Variants in PDE3B observed in about 807,000 individuals in gnomAD.
PDE3B encodes the protein cGMP-inhibited 3',5'-cyclic phosphodiesterase 3B.
PDE3B carries 66 observed loss-of-function variants against 116.8 expected under a neutral mutation model. The ratio of observed to expected loss-of-function variants is 0.56; its 90% CI spans 0.46 to 0.69. The LOEUF (loss-of-function observed/expected upper bound fraction) is 0.69, where lower values mean the gene tolerates loss of function less well. Among genes scored for constraint, PDE3B ranks in the 30% least tolerant of loss-of-function variants. The pLI is 0.00. For synonymous variants in PDE3B, 595 were observed against 533.6 expected (o/e 1.12, Z -1.59); for missense variants, 1,384 against 1,368.1 (o/e 1.01, Z -0.18).
At chr11:14,755,065 G>C (rs1857149392) in intron 1 of PDE3B, among the ~76,000 whole-genome samples, 1 of 152,176 alleles carries the variant, frequency 6.6e-6, no homozygotes, top group Non-Finnish European at 1.5e-5. Flanking sequence ...TTTTGCTGCA[G>C]ACTTGATAAA....
At chr11:14,891,781 G>T in the PDE3B span, 1,029 of 1,397,600 alleles carry the variant, frequency 7.4e-4, 8 homozygotes, top group Middle Eastern at 1.1e-3. Flanking sequence ...GCAGGGGCGG[G>T]GCTCCCCCTG....
At chr11:14,861,474 G>A in intron 14 of PDE3B, 108 bp downstream of exon 14, 1 of 980,380 alleles carries the variant, frequency 1.0e-6, no homozygotes, top group Non-Finnish European at 1.6e-6. Flanking sequence ...GAGTTGCTTT[G>A]ACTGGGAAGG....
At chr11:14,690,573 GTATT>G (rs1590064768) in intron 1 of PDE3B, among the ~76,000 whole-genome samples, 1 of 147,808 alleles carries the variant, frequency 6.8e-6, no homozygotes, top group African/African-American at 2.5e-5. Context: ...TTCTCAGTAA[GTATT>G]CACCTTTGTA....
chr11:14,724,921 A>C (rs541006471), intron 1 of PDE3B, among the ~76,000 whole-genome samples: 1 of 152,234 alleles, frequency 6.6e-6, no homozygotes, highest in Non-Finnish European at 1.5e-5. Flanking sequence ...ACAAATATGG[A>C]ATCCAGGGAT....
intron 1 of PDE3B, among the ~76,000 whole-genome samples, chr11:14,735,377 A>G (rs1235637566): frequency 2.6e-5 from 4 of 152,244 alleles, no homozygotes; most frequent in Non-Finnish European, 1.5e-5. Context: ...GAGGTTGTGA[A>G]GCAGGACAAT....
Position 14,673,836 on chromosome 11 carries a change from G to T in PDE3B, c.978+28783G>T, listed in dbSNP as rs980899876. Reference sequence around the variant, plus strand: ...ATCTGCAAGAATTTCGGCATACTGTGGTCTCTCAAATTTGTAGAGTAGTTG... The same window carrying T: ...ATCTGCAAGAATTTCGGCATACTGTTGTCTCTCAAATTTGTAGAGTAGTTG... On this transcript the variant is annotated intron_variant, in intron 1 of 15. Coordinates refer to ENST00000282096, the MANE Select transcript of PDE3B (RefSeq NM_000922.4). The T allele has an allele frequency of 1.1e-5, 12 of 1,108,236 alleles. No homozygotes were observed. The Admixed American group carries it at 1.4e-4, about 13-fold the overall frequency. 68.7% of individuals were successfully genotyped at this position (1,108,236 alleles called of 1,614,324 possible). A position where few individuals can be genotyped will look rare whatever the true frequency, so the allele number is the denominator to read the frequency against.
the PDE3B span, chr11:14,879,533 A>G: frequency 1.6e-5 from 16 of 1,028,544 alleles, no homozygotes; most frequent in Non-Finnish European, 2.2e-5. Flanking sequence ...AGGATAACCT[A>G]TAACAAGCCA....
chr11:14,748,595 T>C (rs1284914024), intron 1 of PDE3B, among the ~76,000 whole-genome samples: 1 of 152,202 alleles, frequency 6.6e-6, no homozygotes, highest in African/African-American at 2.4e-5. Context: ...TATACAATTA[T>C]TTAAATTCTG....
At chr11:14,892,186 G>A in the PDE3B span, 13 of 1,610,454 alleles carry the variant, frequency 8.1e-6, no homozygotes, top group South Asian at 5.5e-5. Flanking sequence ...GCCCTCTTCA[G>A]CTCTCCAAAG....
chr11:14,830,552 C>T (rs927383106), intron 7 of PDE3B, 146 bp from the exon 8 acceptor site: 2 of 390,184 alleles, frequency 5.1e-6, no homozygotes, highest in Non-Finnish European at 9.1e-6. Context: ...CAGGAAGATA[C>T]AACTTAATGG....
intron 1 of PDE3B, among the ~76,000 whole-genome samples, chr11:14,723,397 T>G (rs998014980): frequency 1.3e-5 from 2 of 152,120 alleles, no homozygotes; most frequent in African/African-American, 4.8e-5. Flanking sequence ...ATTAATACAA[T>G]AAATACATAT....
chr11:14,887,633 C>G, the PDE3B span: 1 of 985,392 alleles, frequency 1.0e-6, no homozygotes, highest in Non-Finnish European at 1.2e-6. Flanking sequence ...TCCTTGCCTT[C>G]TAGATCACTC....
At chr11:14,665,797 G>T (rs1321913898) in intron 1 of PDE3B, among the ~76,000 whole-genome samples, 1 of 152,122 alleles carries the variant, frequency 6.6e-6, no homozygotes, top group African/African-American at 2.4e-5. Flanking sequence ...ACAAATAAAT[G>T]GAAGAACATT....
chr11:14,669,040 TTTA>T (rs1854281282), intron 1 of PDE3B, among the ~76,000 whole-genome samples: 2 of 152,040 alleles, frequency 1.3e-5, no homozygotes, highest in African/African-American at 4.8e-5. Flanking sequence ...GAAGGAATGA[TTTA>T]TAAAAGAGTG....
downstream of PDE3B, among the ~76,000 whole-genome samples, chr11:14,875,149 G>T (rs1848178354): frequency 6.6e-6 from 1 of 152,082 alleles, no homozygotes; most frequent in Admixed American, 6.6e-5. Context: ...CAGTAAATCT[G>T]CTTGATTTCT....
intron 1 of PDE3B, among the ~76,000 whole-genome samples, chr11:14,724,092 C>T (rs769225614): frequency 1.3e-5 from 2 of 151,824 alleles, no homozygotes; most frequent in Non-Finnish European, 2.9e-5. Flanking sequence ...TTGAAATAAC[C>T]AAACAAAAAA....
intron 1 of PDE3B, among the ~76,000 whole-genome samples, chr11:14,679,738 A>G (rs1854641880): frequency 6.6e-6 from 1 of 151,688 alleles, no homozygotes; most frequent in Non-Finnish European, 1.5e-5. Context: ...GGCAACTTAA[A>G]TCTTCTTTTC....
At position 14,859,222 on chromosome 11, in the gene PDE3B, T is replaced by C. The variant is rs1555006676; in HGVS notation, c.2700T>C (p.Asp900=). The change falls in exon 13 of 16, where the codon GAT becomes GAC. Residue 900 remains aspartate, a synonymous_variant. Transcript: ENST00000282096. ...CTACGGATCTTAAAAAGCATTTTGA[T>C]TTTCTCGCAGAATTCAATGCCAAGG... is the stretch of plus-strand genomic sequence containing the variant. The part of the protein sequence containing the change: ...ILATDLKKHF[D]FLAEFNAKAN... The C allele has an allele frequency of 6.2e-7, 1 of 1,611,408 alleles. No homozygotes were observed. Among genetic ancestry groups the C allele is most frequent in the East Asian group, 2.2e-5 (1 of 44,802 alleles).
chr11:14,789,370 T>C (rs1858315879), intron 4 of PDE3B, 128 bp downstream of exon 4: 6 of 643,468 alleles, frequency 9.3e-6, no homozygotes, highest in Non-Finnish European at 1.6e-5. Flanking sequence ...GGACAACATG[T>C]GTAGTAATAA....
Sources: allele counts gnomAD v4.1 joint callset (sites outside exome capture counted in the v4.1 genomes callset), GRCh38; gene constraint gnomAD v4.1.1; transcripts MANE v1.5; gene names NCBI Gene and HGNC (gene_info 2026-07-23, HGNC 2026-07-21).